The following TUT7 variants were observed in gnomAD, a reference collection of about 807,000 sequenced individuals.
TUT7 encodes the protein terminal uridylyl transferase 7.
In TUT7, 33 loss-of-function variants were observed where a neutral mutation model predicts 165.9. The observed-to-expected ratio is 0.20, with a 90% confidence interval of 0.15 to 0.27. The LOEUF (loss-of-function observed/expected upper bound fraction) is 0.27, where lower values mean the gene tolerates loss of function less well. Among genes scored for constraint, TUT7 ranks in the 10% least tolerant of loss-of-function variants. The pLI, the probability that TUT7 is intolerant of heterozygous loss-of-function variation, is 1.00. For missense variants in TUT7, 1,338 were observed against 1,762.3 expected (o/e 0.76, Z 4.31); for synonymous variants, 552 against 608.1 (o/e 0.91, Z 1.36).
At chr9:86,291,957 A>G (rs1475890218) in intron 26 of TUT7, among the ~76,000 whole-genome samples, 2 of 152,240 alleles carry the variant, frequency 1.3e-5, no homozygotes, top group Non-Finnish European at 2.9e-5. Flanking sequence ...CTGGGTAATA[A>G]ATACATAGAA....
At chr9:86,330,080 CAG>C (rs1457092573) in intron 10 of TUT7, among the ~76,000 whole-genome samples, 1 of 151,962 alleles carries the variant, frequency 6.6e-6, no homozygotes, top group Admixed American at 6.6e-5. Context: ...TTTTCTGAGG[CAG>C]AGTCTCACCC....
intron 6 of TUT7, among the ~76,000 whole-genome samples, chr9:86,342,542 T>A (rs1180636906): frequency 6.6e-6 from 1 of 152,188 alleles, no homozygotes; most frequent in Non-Finnish European, 1.5e-5. Context: ...CCAGAGTAGC[T>A]GGGACTACAG....
rs1048897561 is a variant in TUT7 at position 86,321,191 on chromosome 9, A to T, written c.3028+1134T>A. 7.4e-5 allele frequency among the ~76,000 whole-genome samples: 10 copies of T among 135,936 alleles called. No individual in the cohort carries two copies. In the East Asian group the frequency reaches 1.8e-3, roughly 25 times the overall value. 89.2% of individuals were successfully genotyped at this position (135,936 alleles called of 152,430 possible). ...AATATGGTGAAACCCCATCTCTACT[A>T]AAAAAAAAAAAAAAAATTAGCTGGA... On this transcript the variant is annotated intron_variant, in intron 14 of 26. Transcript: ENST00000375963.
At chr9:86,320,984 C>A (rs552832440) in intron 14 of TUT7, among the ~76,000 whole-genome samples, 1 of 152,258 alleles carries the variant, frequency 6.6e-6, no homozygotes, top group South Asian at 2.1e-4. Context: ...GCTTACACAG[C>A]AGGAAGAATA....
chr9:86,338,337 C>A (rs539539233), intron 9 of TUT7, among the ~76,000 whole-genome samples: 4 of 150,838 alleles, frequency 2.7e-5, no homozygotes, highest in Non-Finnish European at 4.4e-5. Context: ...ATTTTATAAT[C>A]ATGACTCAAC....
At chr9:86,302,765 C>T (rs1587865310) in intron 25 of TUT7, among the ~76,000 whole-genome samples, 2 of 151,766 alleles carry the variant, frequency 1.3e-5, no homozygotes, top group South Asian at 2.1e-4. Flanking sequence ...TACAGGTGCC[C>T]GCCACCATGC....
chr9:86,334,035 C>CA (rs1587974832), intron 10 of TUT7, among the ~76,000 whole-genome samples: 2 of 152,160 alleles, frequency 1.3e-5, no homozygotes, highest in Admixed American at 1.3e-4. Flanking sequence ...GATTAGGTCT[C>CA]AGTCTTTTAG....
At chr9:86,339,967 G>T in intron 8 of TUT7, 69 bp downstream of exon 8, 2 of 1,156,692 alleles carry the variant, frequency 1.7e-6, no homozygotes, top group Non-Finnish European at 1.3e-6. Context: ...TGGACATTAA[G>T]ATGTAGTAAA....
intron 17 of TUT7, among the ~76,000 whole-genome samples, chr9:86,315,758 T>C (rs1453385553): frequency 7.5e-6 from 1 of 133,058 alleles, no homozygotes; most frequent in African/African-American, 3.3e-5. Context: ...TTTTTCTTTT[T>C]TTTTTATATT....
chr9:86,352,658 C>G (rs756154316), intron 2 of TUT7, 22 bp downstream of exon 2: 2 of 1,613,924 alleles, frequency 1.2e-6, no homozygotes, highest in African/African-American at 2.7e-5. Flanking sequence ...GGGTTGTGAT[C>G]TGACAAGTTG....
chr9:86,290,688 A>C (rs1427862111), intron 26 of TUT7, among the ~76,000 whole-genome samples: 1 of 142,894 alleles, frequency 7.0e-6, no homozygotes, highest in East Asian at 2.0e-4. Flanking sequence ...CTAAAATACA[A>C]AAAAAAAAAA....
intron 12 of TUT7, among the ~76,000 whole-genome samples, chr9:86,324,904 T>C (rs1829652769): frequency 4.6e-5 from 7 of 152,212 alleles, no homozygotes; most frequent in Admixed American, 3.9e-4. Context: ...AGGAATCCAA[T>C]GGAGAATGAC....
At chr9:86,307,477 A>G (rs931408877) in intron 22 of TUT7, among the ~76,000 whole-genome samples, 10 of 152,264 alleles carry the variant, frequency 6.6e-5, no homozygotes, top group Non-Finnish European at 2.9e-5. Flanking sequence ...CAGAAATAAT[A>G]ATAAAACCAC....
intron 3 of TUT7, 125 bp downstream of exon 3, chr9:86,346,174 T>C (rs1831742283): frequency 2.4e-6 from 2 of 836,170 alleles, no homozygotes; most frequent in Admixed American, 2.5e-5. Context: ...TTTTAACTTG[T>C]AGTGCTTAAA....
chr9:86,317,145 G>T, intron 17 of TUT7, 74 bp downstream of exon 17: 1 of 1,339,354 alleles, frequency 7.5e-7, no homozygotes, highest in Admixed American at 1.7e-5. Flanking sequence ...ATACCCCATG[G>T]ATACCAAGGG....
chr9:86,296,272 G>A (rs1424928267), intron 26 of TUT7, among the ~76,000 whole-genome samples: 1 of 152,224 alleles, frequency 6.6e-6, no homozygotes, highest in African/African-American at 2.4e-5. Flanking sequence ...TAACTTGATA[G>A]AGGTCACACA....
Position 86,323,960 on chromosome 9 carries a change from T to C in TUT7, c.1790A>G (p.Asp597Gly). 6.5e-7 allele frequency: 1 copy of C among 1,533,208 alleles called. No individual in the cohort carries two copies. The highest frequency in any genetic ancestry group is 8.8e-7 in the Non-Finnish European group (1 of 1,139,666). 95.0% of individuals were successfully genotyped at this position (1,533,208 alleles called of 1,614,324 possible). Residue 597 changes from aspartate (D) to glycine (G), a missense_variant and splice_region_variant, in exon 13 of 27, where the codon GAT becomes GGT. By Grantham distance (94) the Asp-to-Gly change is moderately conservative. Coordinates refer to ENST00000375963, the MANE Select transcript of TUT7 (RefSeq NM_024617.4). Reference protein sequence around the residue: ...DWPKKRIAIEDPYSVKRNVAR... With the variant: ...DWPKKRIAIEGPYSVKRNVAR... ...CACATTTCTTTTAACAGAGTAGGGATCTGTAATAAAAAAAAGAAAGAAAGA... is the reference window on the plus strand; with the variant it reads ...CACATTTCTTTTAACAGAGTAGGGACCTGTAATAAAAAAAAGAAAGAAAGA...
intron 17 of TUT7, among the ~76,000 whole-genome samples, chr9:86,313,790 C>T (rs1828454298): frequency 6.6e-6 from 1 of 152,190 alleles, no homozygotes; most frequent in Non-Finnish European, 1.5e-5. Context: ...GAAAGATAAG[C>T]TCATTCTGAG....
chr9:86,310,793 T>C lies in TUT7; in HGVS notation c.3291A>G (p.Leu1097=), dbSNP rs1471737932. The C allele has an allele frequency of 6.2e-7, 1 of 1,609,620 alleles. No individual in the cohort carries two copies. Among genetic ancestry groups the C allele is most frequent in the Non-Finnish European group, 8.5e-7 (1 of 1,176,128 alleles). Residue 1097 remains leucine, a synonymous_variant, in exon 18 of 27, where the codon TTA becomes TTG. Coordinates refer to ENST00000375963, the MANE Select transcript of TUT7 (RefSeq NM_024617.4). ...LRKHSGLRNI[L]PITTAKVPIV... ...TTGGCACCTTTGCTGTTGTAATAGG[T>C]AAGATGTTTCTCAGACCTAAGTTGG... is the stretch of plus-strand genomic sequence containing the variant.
Sources: allele counts gnomAD v4.1 joint callset (sites outside exome capture counted in the v4.1 genomes callset), GRCh38; gene constraint gnomAD v4.1.1; transcripts MANE v1.5; gene names NCBI Gene and HGNC (gene_info 2026-07-23, HGNC 2026-07-21).